The following TMEM182 variants were observed in gnomAD, a reference collection of about 807,000 sequenced individuals.
TMEM182 encodes transmembrane protein 182.
Under a neutral mutation model 26.8 loss-of-function variants are expected in TMEM182, and 20 were observed. That is an observed-to-expected ratio of 0.75 (90% confidence interval 0.53 to 1.09). TMEM182 has a LOEUF of 1.09. TMEM182 is among the 50% of genes least tolerant of loss of function. The probability of loss-of-function intolerance (pLI) is 0.00; values close to 1 mark genes in which losing one functional copy is unlikely to be tolerated. For missense variants in TMEM182, 277 were observed against 275.5 expected (o/e 1.01, Z -0.04); for synonymous variants, 109 against 102.2 (o/e 1.07, Z -0.40).
chr2:102,822,531 G>A (rs1020473551), downstream of TMEM182, among the ~76,000 whole-genome samples: 3 of 152,246 alleles, frequency 2.0e-5, no homozygotes, highest in South Asian at 2.1e-4. Context: ...TATAGGGGCG[G>A]GAATGGAAGC....
At chr2:102,774,967 T>A (rs938511469) in intron 3 of TMEM182, among the ~76,000 whole-genome samples, 1 of 152,242 alleles carries the variant, frequency 6.6e-6, no homozygotes, top group African/African-American at 2.4e-5. Flanking sequence ...TAGTCTAGAT[T>A]ATTTGACTTT....
intron 3 of TMEM182, among the ~76,000 whole-genome samples, chr2:102,829,978 G>A (rs76474960): frequency 0.023 from 3,533 of 152,284 alleles, 140 homozygotes; most frequent in African/African-American, 0.079. Context: ...CGGTAAGAGT[G>A]AGAGTTGAAG....
chr2:102,771,145 A>G (rs1268260621), intron 3 of TMEM182, among the ~76,000 whole-genome samples: 3 of 152,176 alleles, frequency 2.0e-5, no homozygotes, highest in Admixed American at 2.0e-4. Context: ...GCTAGAAAAA[A>G]CTATGCACCA....
chr2:102,755,734 T>C (rs1426584270), intron 1 of TMEM182, among the ~76,000 whole-genome samples: 1 of 152,224 alleles, frequency 6.6e-6, no homozygotes, highest in African/African-American at 2.4e-5. Flanking sequence ...TAGGGGCCAA[T>C]GTCCCCAGTA....
chr2:102,823,847 T>A (rs1223991183), intron 3 of TMEM182, among the ~76,000 whole-genome samples: 1 of 152,242 alleles, frequency 6.6e-6, no homozygotes, highest in South Asian at 2.1e-4. Context: ...CCAAAAGCCA[T>A]CCACTGGTTT....
At chr2:102,783,799 AC>A (rs1456128270) in intron 3 of TMEM182, among the ~76,000 whole-genome samples, 17 of 152,210 alleles carry the variant, frequency 1.1e-4, no homozygotes, top group African/African-American at 4.1e-4. Flanking sequence ...GTCTAAAAAA[AC>A]AAACAAAAAA....
downstream of TMEM182, among the ~76,000 whole-genome samples, chr2:102,818,557 C>T (rs1202439373): frequency 1.3e-5 from 2 of 152,120 alleles, no homozygotes; most frequent in African/African-American, 4.8e-5. Context: ...GTATCAGAGA[C>T]AGCAAGTCTG....
At chr2:102,772,259 C>T (rs1445840156) in intron 3 of TMEM182, among the ~76,000 whole-genome samples, 1 of 152,200 alleles carries the variant, frequency 6.6e-6, no homozygotes, top group Non-Finnish European at 1.5e-5. Flanking sequence ...TATTGAGTGC[C>T]TGCTGTATAC....
intron 3 of TMEM182, among the ~76,000 whole-genome samples, chr2:102,842,781 C>T (rs1013232959): frequency 6.6e-6 from 1 of 152,078 alleles, no homozygotes; most frequent in African/African-American, 2.4e-5. Context: ...TTCTCGGTGC[C>T]ATGAAGGAAG....
intron 4 of TMEM182, among the ~76,000 whole-genome samples, chr2:102,806,799 T>C (rs1019834375): frequency 1.3e-5 from 2 of 152,190 alleles, no homozygotes; most frequent in Non-Finnish European, 2.9e-5. Flanking sequence ...CTCTCTATTT[T>C]ACCAATGAAG....
rs1682698654 is a variant in TMEM182, at chr2:102,815,125, G to A, written c.*157G>A. 1.5e-5 allele frequency: 21 copies of A among 1,435,666 alleles called. No homozygotes were observed. The highest frequency in any genetic ancestry group is 1.8e-5 in the Non-Finnish European group (20 of 1,103,258). The allele number at this position is 1,435,666 out of a possible 1,614,324, so 88.9% of individuals were successfully genotyped here. Reference sequence around the variant, plus strand: ...TACTAAAATTTTCTTCAGTAAGAAGGTCCTAGAATCTCTCCAGACACCAGC... The same window carrying A: ...TACTAAAATTTTCTTCAGTAAGAAGATCCTAGAATCTCTCCAGACACCAGC... On this transcript the variant is annotated 3_prime_UTR_variant, in exon 5 of 5. Transcript: ENST00000412401.
intron 3 of TMEM182, among the ~76,000 whole-genome samples, chr2:102,775,822 C>T (rs887609816): frequency 6.6e-6 from 1 of 152,082 alleles, no homozygotes; most frequent in South Asian, 2.1e-4. Flanking sequence ...CCTAGGAATC[C>T]AACTTACAAG....
chr2:102,810,636 A>G (rs547866335), intron 4 of TMEM182, among the ~76,000 whole-genome samples: 41 of 152,312 alleles, frequency 2.7e-4, no homozygotes, highest in Non-Finnish European at 4.9e-4. Flanking sequence ...TGACTCAATT[A>G]TCTTTCTGCA....
chr2:102,776,157 T>C (rs1680906957), intron 3 of TMEM182, among the ~76,000 whole-genome samples: 1 of 152,180 alleles, frequency 6.6e-6, no homozygotes, highest in African/African-American at 2.4e-5. Context: ...GGTACGTTTG[T>C]TACAATTGAT....
chr2:102,778,317 C>T (rs1406731066), intron 3 of TMEM182, among the ~76,000 whole-genome samples: 2 of 151,772 alleles, frequency 1.3e-5, no homozygotes, highest in African/African-American at 2.4e-5. Context: ...AATATAGTGA[C>T]TCCTACATTC....
At chr2:102,809,383 G>A (rs1682467203) in intron 4 of TMEM182, among the ~76,000 whole-genome samples, 1 of 152,122 alleles carries the variant, frequency 6.6e-6, no homozygotes, top group African/African-American at 2.4e-5. Flanking sequence ...TTCTGGACAT[G>A]TCTGCTCTAA....
intron 3 of TMEM182, among the ~76,000 whole-genome samples, chr2:102,833,469 T>G (rs1683186642): frequency 6.6e-6 from 1 of 152,094 alleles, no homozygotes; most frequent in African/African-American, 2.4e-5. Flanking sequence ...ATAGAGGAGT[T>G]GCAAAGAGAA....
At chr2:102,782,126 C>T (rs1375841192) in intron 3 of TMEM182, among the ~76,000 whole-genome samples, 14 of 152,068 alleles carry the variant, frequency 9.2e-5, no homozygotes, top group Middle Eastern at 3.4e-3. Context: ...GCCAACGTGG[C>T]GAAACCCCAT....
chr2:102,767,005 T>C (rs561497610), intron 3 of TMEM182, among the ~76,000 whole-genome samples: 1 of 152,362 alleles, frequency 6.6e-6, no homozygotes, highest in African/African-American at 2.4e-5. Flanking sequence ...TCTGTCTTCA[T>C]ACAGCTGCTT....
Sources: allele counts gnomAD v4.1 joint callset (sites outside exome capture counted in the v4.1 genomes callset), GRCh38; gene constraint gnomAD v4.1.1; transcripts MANE v1.5; gene names NCBI Gene and HGNC (gene_info 2026-07-23, HGNC 2026-07-21).